The following GSR variants were observed in gnomAD, a reference collection of about 807,000 sequenced individuals.
GSR encodes glutathione-disulfide reductase, also known as glutathione reductase, mitochondrial.
In GSR, 48 loss-of-function variants were observed where a neutral mutation model predicts 56.5. The observed-to-expected ratio is 0.85, with a 90% confidence interval of 0.67 to 1.08. The LOEUF is 1.08. Among genes scored for constraint, GSR ranks in the 50% least tolerant of loss-of-function variants. GSR has a pLI of 0.00. For synonymous variants in GSR, 264 were observed against 270.8 expected, an observed-to-expected ratio of 0.97 and a Z score of 0.25; for missense variants, 694 against 703.3, an observed-to-expected ratio of 0.99 and a Z score of 0.15.
chr8:30,696,626 T>A (rs1803553183), intron 6 of GSR, 147 bp from the exon 7 acceptor site: 1 of 679,716 alleles, frequency 1.5e-6, no homozygotes, highest in African/African-American at 1.8e-5. Context: ...TTTACTTAAT[T>A]AGGATACCTT....
At chr8:30,692,917 A>C (rs1803436011) in intron 8 of GSR, 52 bp downstream of exon 8, 1 of 1,099,388 alleles carries the variant, frequency 9.1e-7, no homozygotes, top group Non-Finnish European at 1.4e-6. Context: ...AGCCACAAGC[A>C]GAAAGTGTGA....
At chr8:30,726,285 C>G (rs1274328390) in intron 1 of GSR, among the ~76,000 whole-genome samples, 5 of 152,182 alleles carry the variant, frequency 3.3e-5, no homozygotes, top group Non-Finnish European at 5.9e-5. Context: ...GACACACAAA[C>G]ACAGAAGCCC....
chr8:30,686,221 T>C (rs140905963), intron 9 of GSR, among the ~76,000 whole-genome samples: 172 of 152,130 alleles, frequency 1.1e-3, no homozygotes, highest in African/African-American at 3.8e-3. Context: ...TTATCTAGTA[T>C]CTCTGTGCTC....
At chr8:30,700,722 CCA>C (rs1491124678) in intron 5 of GSR, among the ~76,000 whole-genome samples, 4 of 8,440 alleles carry the variant, frequency 4.7e-4, no homozygotes, top group African/African-American at 6.9e-4. Flanking sequence ...GATTTTGTCT[CCA>C]AAAAAAAAAA....
rs34342136 is a variant in GSR at position 30,680,381 on chromosome 8, G to GTT, written c.1419+521_1419+522dup. Among the ~76,000 whole-genome samples, 47 of 33,324 alleles carry GTT rather than the reference G, an allele frequency of 1.4e-3. 2 individuals are homozygous for GTT. Among genetic ancestry groups the GTT allele is most frequent in the African/African-American group, 3.1e-3 (33 of 10,538 alleles). 21.9% of individuals were successfully genotyped at this position (33,324 alleles called of 152,430 possible). ...ACAGCGCCTGGCCCTGGCCTCTCCT[G>GTT]TTTTTTTTTTTTTTTTTTTTTTTTT... On this transcript the variant is annotated intron_variant, in intron 12 of 12. Transcript: ENST00000221130.
In GSR at chr8:30,712,077, T is replaced by C; in HGVS notation, c.318A>G (p.Gly106=). Residue 106 remains glycine (G), a synonymous_variant, in exon 2 of 13, where the codon GGA becomes GGG. Transcript: ENST00000221130. The stretch of plus-strand genomic sequence containing the variant: ...AAAATTCTACCTTTTTGGGTACACA[T>C]CCAACATTCACCTGGAAAAAAAAAA... The part of the protein sequence containing the change: ...HKLGGTCVNV[G]CVPKKVMWNT... 1 of 1,436,438 alleles carries C rather than the reference T, an allele frequency of 7.0e-7. No homozygotes were observed. Among genetic ancestry groups the C allele is most frequent in the Non-Finnish European group, 9.7e-7 (1 of 1,026,998 alleles). The allele number at this position is 1,436,438 out of a possible 1,614,324, so 89.0% of individuals were successfully genotyped here. A position where few individuals can be genotyped will look rare whatever the true frequency, so the allele number is the denominator to read the frequency against.
intron 1 of GSR, among the ~76,000 whole-genome samples, chr8:30,722,552 C>T (rs1804577989): frequency 6.6e-6 from 1 of 152,058 alleles, no homozygotes; most frequent in Non-Finnish European, 1.5e-5. Context: ...AAAGCAAGAC[C>T]TTGTCTCTAC....
intron 6 of GSR, 82 bp downstream of exon 6, chr8:30,699,999 G>A: frequency 1.0e-6 from 1 of 958,630 alleles, no homozygotes; most frequent in Non-Finnish European, 1.7e-6. Context: ...TACATTAAAT[G>A]CTTGGGAGGA....
intron 9 of GSR, among the ~76,000 whole-genome samples, chr8:30,685,088 T>C (rs1211371213): frequency 6.6e-6 from 1 of 151,794 alleles, no homozygotes; most frequent in Non-Finnish European, 1.5e-5. Context: ...GCCTCCCGAG[T>C]AGCTGGGACT....
At chr8:30,719,142 C>G (rs1429510405) in intron 1 of GSR, among the ~76,000 whole-genome samples, 4 of 129,990 alleles carry the variant, frequency 3.1e-5, no homozygotes, top group Admixed American at 9.0e-5. Context: ...AGGTCTCACT[C>G]TGTCATCAGG....
chr8:30,716,571 G>A (rs1275569532), intron 1 of GSR, among the ~76,000 whole-genome samples: 1 of 152,232 alleles, frequency 6.6e-6, no homozygotes, highest in African/African-American at 2.4e-5. Flanking sequence ...ACTTTGGGAG[G>A]CCAAGGCAGG....
intron 2 of GSR, among the ~76,000 whole-genome samples, chr8:30,710,195 A>G (rs767429053): frequency 5.3e-5 from 8 of 152,022 alleles, no homozygotes; most frequent in Non-Finnish European, 1.2e-4. Context: ...ACACACCTGT[A>G]GTCCCAGCTA....
chr8:30,700,462 C>G (rs1449328156), intron 5 of GSR, among the ~76,000 whole-genome samples: 3 of 152,024 alleles, frequency 2.0e-5, no homozygotes, highest in Non-Finnish European at 4.4e-5. Context: ...GGGCTCAGCT[C>G]ATTACAGGTG....
At chr8:30,717,220 A>G (rs977691667) in intron 1 of GSR, among the ~76,000 whole-genome samples, 1 of 149,890 alleles carries the variant, frequency 6.7e-6, no homozygotes, top group African/African-American at 2.5e-5. Flanking sequence ...CTGGGCAACA[A>G]GAGCGAAACT....
rs1803674817 is a variant in GSR, at chr8:30,700,003, GGGA to G, written c.695+75_695+77del. On this transcript the variant is annotated intron_variant, in intron 6 of 12. Coordinates refer to ENST00000221130, the MANE Select transcript of GSR (RefSeq NM_000637.5). ...CAGGAAAGGCCTACATTAAATGCTT[GGGA>G]GGAGAAGACGAAGAAAAGTTACCAG... 7.2e-5 allele frequency: 71 copies of G among 986,560 alleles called. No homozygotes were observed. The South Asian group carries it at 7.5e-4, about 10-fold the overall frequency. The allele number at this position is 986,560 out of a possible 1,614,324, so 61.1% of individuals were successfully genotyped here. A position where few individuals can be genotyped will look rare whatever the true frequency, so the allele number is the denominator to read the frequency against.
intron 6 of GSR, among the ~76,000 whole-genome samples, chr8:30,696,709 C>CT (rs1803556219): frequency 6.6e-6 from 1 of 151,696 alleles, no homozygotes; most frequent in Non-Finnish European, 1.5e-5. Context: ...CACTTTTTCC[C>CT]TTTTTTTTGA....
chr8:30,681,108 T>A, intron 11 of GSR, 71 bp from the exon 12 acceptor site: 1 of 1,240,870 alleles, frequency 8.1e-7, no homozygotes, highest in Non-Finnish European at 1.2e-6. Flanking sequence ...AAGAGGGAGA[T>A]GACCAGAAAT....
chr8:30,704,965 G>C (rs1360333876), intron 4 of GSR: 1 of 152,182 alleles, frequency 6.6e-6, no homozygotes, highest in Non-Finnish European at 1.5e-5. Context: ...ATATTAGATA[G>C]AAAGTTTCCT....
chr8:30,684,348 A>T (rs931210427), intron 9 of GSR, 149 bp from the exon 10 acceptor site: 4 of 713,056 alleles, frequency 5.6e-6, no homozygotes, highest in Non-Finnish European at 1.0e-5. Flanking sequence ...CACGAAAGGC[A>T]TTTACAGCTG....
Sources: gnomAD v4.1 joint callset for allele counts (sites outside exome capture counted in the v4.1 genomes callset) on GRCh38, gnomAD v4.1.1 for gene constraint, MANE v1.5 for transcripts, NCBI Gene and HGNC (gene_info 2026-07-23, HGNC 2026-07-21) for gene names.